The following CAMTA1 variants were observed in gnomAD, a reference collection of about 807,000 sequenced individuals.
CAMTA1 encodes the protein calmodulin binding transcription activator 1, also known as calmodulin-binding transcription activator 1.
CAMTA1 carries 27 observed loss-of-function variants against 170.9 expected under a neutral mutation model. The ratio of observed to expected loss-of-function variants is 0.16; its 90% CI spans 0.12 to 0.22. The LOEUF (loss-of-function observed/expected upper bound fraction) is 0.22. Ranked by LOEUF, CAMTA1 falls within the 10% of genes least tolerant of loss-of-function variation. The pLI is 1.00. For synonymous variants in CAMTA1, 833 were observed against 891.5 expected (o/e 0.93, Z 1.17); for missense variants, 1,619 against 2,217.2 (o/e 0.73, Z 5.42).
At chr1:7,746,224 C>A in intron 18 of CAMTA1, 133 bp downstream of exon 18, 1 of 992,872 alleles carries the variant, frequency 1.0e-6, no homozygotes, top group Non-Finnish European at 1.5e-6. Flanking sequence ...TTTTGGAAGT[C>A]TCCAATTTAT....
chr1:7,446,507 A>G (rs11800065), intron 5 of CAMTA1, among the ~76,000 whole-genome samples: 2,025 of 152,210 alleles, frequency 0.013, 48 homozygotes, highest in African/African-American at 0.047. Context: ...CGGGAGGGGA[A>G]CACACGCCTG....
intron 5 of CAMTA1, among the ~76,000 whole-genome samples, chr1:7,329,884 A>C (rs2301460): frequency 0.3 from 46,011 of 152,116 alleles, 7,293 homozygotes; most frequent in East Asian, 0.58. Context: ...GAAAATACGC[A>C]ACTGGCAAAA....
chr1:7,098,720 G>A lies in CAMTA1; in HGVS notation c.302+7349G>A, dbSNP rs574784209. ...AGGCCACTCCTCACATCCCCTCCGT[G>A]TCTAGGAAGTTGGCCGTGGCGGGGG... On this transcript the variant is annotated intron_variant, in intron 4 of 22. Transcript: ENST00000303635. Among the ~76,000 whole-genome samples, 34 of 152,336 alleles carry A rather than the reference G, an allele frequency of 2.2e-4. 1 individual carries two copies. In the South Asian group the frequency reaches 6.8e-3, roughly 31 times the overall value.
intron 5 of CAMTA1, among the ~76,000 whole-genome samples, chr1:7,337,892 C>T (rs111828688): frequency 0.034 from 5,210 of 152,096 alleles, 292 homozygotes; most frequent in African/African-American, 0.12. Flanking sequence ...CCCGCTTGTC[C>T]GCCCAACAAA....
At chr1:6,939,097 C>G (rs1021108578) in intron 3 of CAMTA1, among the ~76,000 whole-genome samples, 4 of 152,138 alleles carry the variant, frequency 2.6e-5, no homozygotes, top group Non-Finnish European at 5.9e-5. Flanking sequence ...TAGGGCTGGC[C>G]CACACACTCA....
At chr1:7,172,950 C>T (rs1298276268) in intron 4 of CAMTA1, among the ~76,000 whole-genome samples, 1 of 152,202 alleles carries the variant, frequency 6.6e-6, no homozygotes, top group South Asian at 2.1e-4. Flanking sequence ...CAATTTTAGA[C>T]TCTCGGAGCT....
intron 5 of CAMTA1, among the ~76,000 whole-genome samples, chr1:7,467,501 C>T (rs1284131587): frequency 2.0e-5 from 3 of 152,218 alleles, no homozygotes; most frequent in Non-Finnish European, 4.4e-5. Flanking sequence ...AGAGTAACTC[C>T]AAGCCCCTAA....
chr1:7,404,017 C>T (rs772227060), intron 5 of CAMTA1, among the ~76,000 whole-genome samples: 1 of 152,266 alleles, frequency 6.6e-6, no homozygotes, highest in Non-Finnish European at 1.5e-5. Flanking sequence ...TACTGAACAC[C>T]TTTTGTGGCT....
chr1:6,785,499 C>T lies in CAMTA1; in HGVS notation c.-32C>T. 9.8e-7 allele frequency: 1 copy of T among 1,024,834 alleles called. No homozygotes were observed. Among genetic ancestry groups the T allele is most frequent in the East Asian group, 1.1e-4 (1 of 9,506 alleles). The allele number at this position is 1,024,834 out of a possible 1,614,324, so 63.5% of individuals were successfully genotyped here. A position where few individuals can be genotyped will look rare whatever the true frequency, so the allele number is the denominator to read the frequency against. Reference sequence around the variant, plus strand: ...GGCGGCGGCGGCGGTACGAGGCGCGCGCTCGGGGTCCCGGTCGCGAGGAGG... The same window carrying T: ...GGCGGCGGCGGCGGTACGAGGCGCGTGCTCGGGGTCCCGGTCGCGAGGAGG... On this transcript the variant is annotated 5_prime_UTR_variant, in exon 1 of 23. Coordinates refer to ENST00000303635, the MANE Select transcript of CAMTA1 (RefSeq NM_015215.4).
intron 5 of CAMTA1, among the ~76,000 whole-genome samples, chr1:7,308,099 G>A (rs539050003): frequency 5.5e-4 from 84 of 151,658 alleles, no homozygotes; most frequent in African/African-American, 1.7e-3. Flanking sequence ...GTAGTTTGTG[G>A]TTTTCAAAGA....
At chr1:6,805,751 T>A (rs1264640267) in intron 1 of CAMTA1, among the ~76,000 whole-genome samples, 1 of 152,206 alleles carries the variant, frequency 6.6e-6, no homozygotes, top group Non-Finnish European at 1.5e-5. Flanking sequence ...GCTCAAGTGA[T>A]CCTCCTGCCT....
chr1:7,597,365 G>A (rs1295964476), intron 6 of CAMTA1, among the ~76,000 whole-genome samples: 2 of 152,180 alleles, frequency 1.3e-5, no homozygotes, highest in East Asian at 3.9e-4. Flanking sequence ...TAAGTAGCGG[G>A]AGCACTGCGA....
chr1:7,289,657 G>T (rs938150501), intron 5 of CAMTA1, among the ~76,000 whole-genome samples: 1 of 152,226 alleles, frequency 6.6e-6, no homozygotes, highest in Non-Finnish European at 1.5e-5. Context: ...GTGAGGTCAT[G>T]CTAGATTTGA....
intron 3 of CAMTA1, among the ~76,000 whole-genome samples, chr1:7,061,068 A>G (rs1708128697): frequency 6.6e-6 from 1 of 152,022 alleles, no homozygotes; most frequent in Admixed American, 6.5e-5. Flanking sequence ...TGACAGACTC[A>G]CCATCTGAGC....
At chr1:7,019,843 C>T (rs1206426615) in intron 3 of CAMTA1, among the ~76,000 whole-genome samples, 1 of 152,246 alleles carries the variant, frequency 6.6e-6, no homozygotes, top group Non-Finnish European at 1.5e-5. Flanking sequence ...AGCTCCCCGG[C>T]ACCTGCTCCG....
At chr1:7,510,443 G>A (rs1311112560) in intron 6 of CAMTA1, among the ~76,000 whole-genome samples, 1 of 145,828 alleles carries the variant, frequency 6.9e-6, no homozygotes, top group Admixed American at 6.8e-5. Context: ...TGGGAAGGAA[G>A]GTAGTGCCAC....
chr1:7,419,070 C>T (rs1483251759), intron 5 of CAMTA1, among the ~76,000 whole-genome samples: 1 of 152,234 alleles, frequency 6.6e-6, no homozygotes, highest in Non-Finnish European at 1.5e-5. Flanking sequence ...CCTTCCATCC[C>T]ATGTTGTCTG....
rs551526441 is a variant in CAMTA1 at position 7,642,460 on chromosome 1, G to A, written c.664+1907G>A. On this transcript the variant is annotated intron_variant, in intron 7 of 22. Coordinates refer to ENST00000303635, the MANE Select transcript of CAMTA1 (RefSeq NM_015215.4). This position sits in a 1 kb window ranked among gnomAD's most constrained non-coding sequence, Gnocchi z 6.3. ...CCAGAGGCTAGGAGTCTGGGGCACC[G>A]GTGCTGCGGGCCCTGCTGTCAGGCC... Among the ~76,000 whole-genome samples, 163 of 152,244 alleles carry A rather than the reference G, an allele frequency of 1.1e-3. No individual in the cohort carries two copies. The highest frequency in any genetic ancestry group is 3.5e-3 in the African/African-American group (147 of 41,548).
intron 3 of CAMTA1, among the ~76,000 whole-genome samples, chr1:6,983,692 G>A (rs183403154): frequency 1.2e-4 from 18 of 152,254 alleles, no homozygotes; most frequent in African/African-American, 4.3e-4. Context: ...ATGGAAGGAT[G>A]GATGAATGGG....
Sources: allele counts gnomAD v4.1 joint callset (sites outside exome capture counted in the v4.1 genomes callset), GRCh38; gene constraint gnomAD v4.1.1; non-coding constraint Gnocchi (gnomAD v3.1); transcripts MANE v1.5; gene names NCBI Gene and HGNC (gene_info 2026-07-23, HGNC 2026-07-21).